The following NME8 variants were observed in gnomAD, a reference collection of about 807,000 sequenced individuals.
NME8 encodes protein NME8.
A neutral mutation model predicts 82.3 loss-of-function variants in NME8; 72 were observed. The ratio of observed to expected loss-of-function variants is 0.87; its 90% confidence interval spans 0.72 to 1.06. The LOEUF is 1.06. Among genes scored for constraint, NME8 ranks in the 50% least tolerant of loss-of-function variants. NME8 has a pLI of 0.00. For missense variants in NME8, 712 were observed against 685.4 expected, an observed-to-expected ratio of 1.04 and a Z score of -0.43; for synonymous variants, 267 against 228.5, an observed-to-expected ratio of 1.17 and a Z score of -1.52.
intron 6 of NME8, among the ~76,000 whole-genome samples, chr7:37,861,319 C>G (rs1784594590): frequency 6.6e-6 from 1 of 152,158 alleles, no homozygotes; most frequent in Admixed American, 6.6e-5. Context: ...GCTTTAGAAC[C>G]CTTATGTCTG....
Position 37,863,464 on chromosome 7 carries a change from T to TA in NME8, c.454+4dup, listed in dbSNP as rs748032772. Reference sequence around the variant, plus strand: ...AAGAATCACCATGTGAAAGTGTTCGTAAGTAAATTTACTTCAAAGTAATCC... The same window carrying TA: ...AAGAATCACCATGTGAAAGTGTTCGTAAAGTAAATTTACTTCAAAGTAATCC... On this transcript the variant is annotated splice_region_variant and intron_variant, in intron 8 of 17. Transcript: ENST00000199447. The TA allele has an allele frequency of 6.4e-7, 1 of 1,571,166 alleles. No individual in the cohort carries two copies. Among genetic ancestry groups the TA allele is most frequent in the South Asian group, 1.1e-5 (1 of 90,164 alleles).
At chr7:37,854,420 G>A (rs577970825) in intron 5 of NME8, among the ~76,000 whole-genome samples, 1 of 152,192 alleles carries the variant, frequency 6.6e-6, no homozygotes, top group African/African-American at 2.4e-5. Flanking sequence ...TGGAAGGGGA[G>A]GCAGGAGAAG....
At position 37,850,310 on chromosome 7, in the gene NME8, C is replaced by T; in HGVS notation, c.33+11C>T. The T allele has an allele frequency of 6.2e-7, 1 of 1,614,074 alleles. No homozygotes were observed. The highest frequency in any genetic ancestry group is 8.5e-7 in the Non-Finnish European group (1 of 1,179,926). On this transcript the variant is annotated intron_variant, in intron 3 of 17. Coordinates refer to ENST00000199447, the MANE Select transcript of NME8 (RefSeq NM_016616.5). ...GAAGTCCAGTTACAGGTGGGTCTGACATATCAACAATTCTTTATCTGGTGC... is the reference window on the plus strand; with the variant it reads ...GAAGTCCAGTTACAGGTGGGTCTGATATATCAACAATTCTTTATCTGGTGC...
intron 13 of NME8, 96 bp downstream of exon 13, chr7:37,884,543 A>G (rs557803896): frequency 1.7e-5 from 18 of 1,039,180 alleles, no homozygotes; most frequent in Non-Finnish European, 2.1e-5. Flanking sequence ...CAAACTCCTC[A>G]AGTCTGTAAA....
intron 10 of NME8, among the ~76,000 whole-genome samples, chr7:37,866,399 G>A (rs1033861695): frequency 2.0e-5 from 3 of 152,002 alleles, no homozygotes; most frequent in African/African-American, 4.8e-5. Context: ...TGTTGGTCCC[G>A]GCTTCCATGT....
chr7:37,879,092 T>A (rs931451310), intron 12 of NME8, among the ~76,000 whole-genome samples: 6 of 152,060 alleles, frequency 3.9e-5, no homozygotes, highest in African/African-American at 1.4e-4. Flanking sequence ...TGGGATGTCT[T>A]AGAGTTGATA....
In NME8 at chr7:37,871,741, A is replaced by G. The variant is rs3823506; in HGVS notation, c.818+3843A>G. ...TTGTATTCCTCTGTCCATAGAAAAT[A>G]TCTATTCTCTTCTCAGTAGCCTCTC... is the stretch of plus-strand genomic sequence containing the variant. On this transcript the variant is annotated intron_variant, in intron 11 of 17. Transcript: ENST00000199447. Among the ~76,000 whole-genome samples the G allele has an allele frequency of 1.1e-4, 16 of 152,250 alleles. No homozygotes were observed. The East Asian group carries it at 3.1e-3, about 29-fold the overall frequency.
At chr7:37,854,096 A>C (rs1171782886) in intron 5 of NME8, among the ~76,000 whole-genome samples, 1 of 7,834 alleles carries the variant, frequency 1.3e-4, no homozygotes, top group Non-Finnish European at 4.1e-4. Flanking sequence ...GACTCCACCA[A>C]AAGCTTAACT....
chr7:37,882,637 A>AAG (rs1404623779), intron 12 of NME8, among the ~76,000 whole-genome samples: 2 of 138,102 alleles, frequency 1.4e-5, no homozygotes, highest in Non-Finnish European at 3.2e-5. Flanking sequence ...GAAAGAAAGA[A>AAG]AGAAAGAGAA....
chr7:37,888,400 T>C lies in NME8; in HGVS notation c.1371T>C (p.Ile457=), dbSNP rs1167077045. Residue 457 remains isoleucine (I), a synonymous_variant, in exon 15 of 18, where the codon ATT becomes ATC. Transcript: ENST00000199447. ...CTCTTCAAAGCACTTTAGGCTTGAT[T>C]AAACCTCATGCAACAAGTGAACAAA... ...FFPLQSTLGL[I]KPHATSEQRE... is the part of the protein sequence containing the mutation. 1.9e-6 allele frequency: 3 copies of C among 1,613,230 alleles called. No individual in the cohort carries two copies. The highest frequency in any genetic ancestry group is 3.3e-5 in the Admixed American group (2 of 59,866).
At position 37,857,345 on chromosome 7, in the gene NME8, T is replaced by A. The variant is rs774550075; in HGVS notation, c.270T>A (p.Val90=). The A allele has an allele frequency of 6.3e-7, 1 of 1,593,738 alleles. No homozygotes were observed. The highest frequency in any genetic ancestry group is 1.7e-5 in the Admixed American group (1 of 59,840). ...DKCEPVFLFS[V]NGKIIEKIQG... The stretch of plus-strand genomic sequence containing the variant: ...GTGAACCTGTTTTTCTCTTTAGTGT[T>A]GTAAGTATATTTACTTTCTCAATTG... Residue 90 remains valine (V), a splice_region_variant and synonymous_variant, in exon 6 of 18, where the codon GTT becomes GTA. Transcript: ENST00000199447.
At chr7:37,886,441 A>T (rs1454878794) in intron 14 of NME8, among the ~76,000 whole-genome samples, 1 of 152,140 alleles carries the variant, frequency 6.6e-6, no homozygotes, top group Non-Finnish European at 1.5e-5. Context: ...CCACTTTTCC[A>T]CTTTCCTTGG....
chr7:37,875,642 A>C (rs1284451536), intron 11 of NME8, among the ~76,000 whole-genome samples: 2 of 152,148 alleles, frequency 1.3e-5, no homozygotes, highest in African/African-American at 4.8e-5. Context: ...AAAAAGATGA[A>C]AATAAAGGGA....
At chr7:37,869,282 T>C (rs1001671563) in intron 11 of NME8, among the ~76,000 whole-genome samples, 3 of 152,164 alleles carry the variant, frequency 2.0e-5, no homozygotes, top group Admixed American at 1.3e-4. Flanking sequence ...CAAGGAGCTT[T>C]TTAAACAGTA....
Position 37,894,451 on chromosome 7 carries a change from ATTTG to A in NME8, c.1400-11_1400-8del. ...GAAGCAATCTGCAATATTATCAAATATTTGTTTTTCTTAGAGCAGATCCTGAAGA... is the reference window on the plus strand; with the variant it reads ...GAAGCAATCTGCAATATTATCAAATATTTTTCTTAGAGCAGATCCTGAAGA... On this transcript the variant is annotated splice_polypyrimidine_tract_variant and intron_variant, in intron 15 of 17. Transcript: ENST00000199447. The A allele has an allele frequency of 6.2e-7, 1 of 1,611,282 alleles. No individual in the cohort carries two copies. Among genetic ancestry groups the A allele is most frequent in the Non-Finnish European group, 8.5e-7 (1 of 1,177,802 alleles).
chr7:37,900,057 T>G (rs1194166361), intron 17 of NME8, among the ~76,000 whole-genome samples, 187 bp from the exon 18 acceptor site: 1 of 152,218 alleles, frequency 6.6e-6, no homozygotes. Context: ...GTTCATTAAC[T>G]CATTGCTCTG....
chr7:37,858,856 G>A (rs571032211), intron 6 of NME8, among the ~76,000 whole-genome samples: 6 of 152,248 alleles, frequency 3.9e-5, no homozygotes, highest in African/African-American at 1.4e-4. Flanking sequence ...TCATTGGGGC[G>A]GATGCCTCAT....
At chr7:37,857,082 A>G (rs927652541) in intron 5 of NME8, among the ~76,000 whole-genome samples, 192 bp from the exon 6 acceptor site, 3 of 152,206 alleles carry the variant, frequency 2.0e-5, no homozygotes, top group African/African-American at 2.4e-5. Flanking sequence ...AACGGTGCGG[A>G]AAGGTTAAGG....
intron 5 of NME8, among the ~76,000 whole-genome samples, chr7:37,856,226 T>C (rs755803608): frequency 6.6e-6 from 1 of 152,212 alleles, no homozygotes; most frequent in Non-Finnish European, 1.5e-5. Flanking sequence ...ACTGAATGTT[T>C]GCCATCAAAT....
Sources: gnomAD v4.1 joint callset for allele counts (sites outside exome capture counted in the v4.1 genomes callset) on GRCh38, gnomAD v4.1.1 for gene constraint, MANE v1.5 for transcripts, NCBI Gene and HGNC (gene_info 2026-07-23, HGNC 2026-07-21) for gene names.